The following ANKS1A variants were observed in gnomAD, a reference collection of about 807,000 sequenced individuals.
ANKS1A encodes ankyrin repeat and sterile alpha motif domain containing 1A.
Under a neutral mutation model 120.3 loss-of-function variants are expected in ANKS1A, and 55 were observed. That is an observed-to-expected ratio of 0.46 (90% confidence interval 0.37 to 0.57). The LOEUF (loss-of-function observed/expected upper bound fraction) is 0.57, where lower values mean the gene tolerates loss of function less well. Ranked by LOEUF, ANKS1A falls within the 20% of genes least tolerant of loss-of-function variation. The pLI, the probability that ANKS1A is intolerant of heterozygous loss-of-function variation, is 0.00. For missense variants in ANKS1A, 1,123 were observed against 1,480.3 expected, an observed-to-expected ratio of 0.76 and a Z score of 3.96; for synonymous variants, 590 against 604.7, an observed-to-expected ratio of 0.98 and a Z score of 0.36.
chr6:34,993,378 G>C (rs1244005912), intron 9 of ANKS1A, among the ~76,000 whole-genome samples: 1 of 152,130 alleles, frequency 6.6e-6, no homozygotes, highest in South Asian at 2.1e-4. Context: ...GCCCTCAGCT[G>C]GTCAAAGCCT....
intron 1 of ANKS1A, among the ~76,000 whole-genome samples, chr6:34,919,492 C>T (rs1161941487): frequency 6.6e-6 from 1 of 152,170 alleles, no homozygotes; most frequent in Non-Finnish European, 1.5e-5. Context: ...CTGGGCCCTA[C>T]TCTGTCTTGC....
Position 34,989,254 on chromosome 6 carries a change from C to T in ANKS1A, c.1240C>T (p.Pro414Ser). ...ACGTCCACCACCTCCAGCAAAGCCA[C>T]CGCCCGATGAAGAGGAAGAAGACCA... ...RERPPPPAKPPPDEEEEDHID... is the reference protein window; with the variant it reads ...RERPPPPAKPSPDEEEEDHID... Residue 414 changes from proline (P) to serine (S), a missense_variant, in exon 9 of 24, where the codon CCG becomes TCG. By Grantham distance (74) the Pro-to-Ser change is moderately conservative (BLOSUM62 -1). Transcript: ENST00000360359. 6.2e-7 allele frequency: 1 copy of T among 1,614,054 alleles called. No individual in the cohort carries two copies. The highest frequency in any genetic ancestry group is 8.5e-7 in the Non-Finnish European group (1 of 1,179,952).
chr6:34,926,672 A>C (rs545610669), intron 1 of ANKS1A, among the ~76,000 whole-genome samples: 13 of 152,120 alleles, frequency 8.5e-5, no homozygotes, highest in Non-Finnish European at 4.4e-5. Flanking sequence ...TAAAAGGTGC[A>C]ATGGCTCATT....
At chr6:35,019,848 AGTGG>A in intron 11 of ANKS1A, among the ~76,000 whole-genome samples, 1 of 152,034 alleles carries the variant, frequency 6.6e-6, no homozygotes, top group Non-Finnish European at 1.5e-5. Flanking sequence ...TTAAAAAATC[AGTGG>A]GTGGGGGAGT....
At chr6:34,963,956 A>G (rs1770773925) in intron 1 of ANKS1A, among the ~76,000 whole-genome samples, 1 of 152,106 alleles carries the variant, frequency 6.6e-6, no homozygotes, top group Non-Finnish European at 1.5e-5. Context: ...CAATGTTTCC[A>G]ATCAGGTTAT....
chr6:34,904,896 C>T (rs1053565736), intron 1 of ANKS1A, among the ~76,000 whole-genome samples: 2 of 152,128 alleles, frequency 1.3e-5, no homozygotes, highest in African/African-American at 2.4e-5. Context: ...CTGCAACCTT[C>T]GCTTCTCAGG....
intron 1 of ANKS1A, among the ~76,000 whole-genome samples, chr6:34,928,905 T>C (rs1319892603): frequency 6.6e-6 from 1 of 152,220 alleles, no homozygotes; most frequent in African/African-American, 2.4e-5. Context: ...CAGGTGCTTT[T>C]TTGAGTCCCA....
chr6:34,970,827 C>T (rs560631366), intron 3 of ANKS1A, among the ~76,000 whole-genome samples: 1 of 151,816 alleles, frequency 6.6e-6, no homozygotes, highest in Non-Finnish European at 1.5e-5. Context: ...CCCAACCCCC[C>T]AGGCCCCATC....
rs920343725 is a variant in ANKS1A, at chr6:34,970,987, GAC to G, written c.435+823_435+824del. Among the ~76,000 whole-genome samples, 28 of 152,352 alleles carry G rather than the reference GAC, an allele frequency of 1.8e-4. 1 individual carries two copies. Among genetic ancestry groups the G allele is most frequent in the Admixed American group, 1.4e-3 (21 of 15,308 alleles). On this transcript the variant is annotated intron_variant, in intron 3 of 23. Transcript: ENST00000360359. ...CATGCCACTGCACTGCAGCCTGGGT[GAC>G]AGAGTGAGACCCTGTCTCAAAAGTA...
chr6:34,929,524 G>T (rs944557621), intron 1 of ANKS1A, among the ~76,000 whole-genome samples: 1 of 152,100 alleles, frequency 6.6e-6, no homozygotes, highest in East Asian at 1.9e-4. Flanking sequence ...TATTCTAGTG[G>T]TGCAGTTTTG....
chr6:34,962,890 C>G (rs1292182891), intron 1 of ANKS1A, among the ~76,000 whole-genome samples: 1 of 149,694 alleles, frequency 6.7e-6, no homozygotes, highest in East Asian at 2.0e-4. Context: ...GAGATGGGAT[C>G]TTGCTCTGTC....
intron 1 of ANKS1A, among the ~76,000 whole-genome samples, chr6:34,893,083 G>A (rs1273529984): frequency 6.6e-6 from 1 of 152,122 alleles, no homozygotes; most frequent in East Asian, 1.9e-4. Context: ...CTAGCTGCTT[G>A]ACATTATTCA....
chr6:35,045,222 C>CTCA (rs576266597), intron 11 of ANKS1A, among the ~76,000 whole-genome samples: 1 of 152,296 alleles, frequency 6.6e-6, no homozygotes, highest in South Asian at 2.1e-4. Flanking sequence ...AAATTAACTC[C>CTCA]TCATTAGAGC....
At chr6:35,083,063 C>CAAGTA in intron 18 of ANKS1A, 92 bp from the exon 19 acceptor site, 1 of 1,493,874 alleles carries the variant, frequency 6.7e-7, no homozygotes, top group Non-Finnish European at 9.2e-7. Context: ...AGAGGGGTAA[C>CAAGTA]TACTTGATTG....
At chr6:34,962,573 G>A (rs898912982) in intron 1 of ANKS1A, among the ~76,000 whole-genome samples, 11 of 151,998 alleles carry the variant, frequency 7.2e-5, no homozygotes, top group African/African-American at 2.4e-4. Flanking sequence ...AAATCACCAG[G>A]TCAGGAGATC....
chr6:34,979,738 G>A (rs1771804258), intron 3 of ANKS1A, among the ~76,000 whole-genome samples: 1 of 152,156 alleles, frequency 6.6e-6, no homozygotes, highest in Non-Finnish European at 1.5e-5. Context: ...TTGCTTCAGA[G>A]TAAATAGTTT....
chr6:34,989,976 C>T (rs1286590357), intron 9 of ANKS1A, among the ~76,000 whole-genome samples: 2 of 152,202 alleles, frequency 1.3e-5, no homozygotes, highest in Non-Finnish European at 2.9e-5. Context: ...GCTAACACTT[C>T]CTGCCATTAG....
At chr6:34,984,221 C>T (rs1772065084) in intron 7 of ANKS1A, among the ~76,000 whole-genome samples, 1 of 152,136 alleles carries the variant, frequency 6.6e-6, no homozygotes, top group Non-Finnish European at 1.5e-5. Context: ...TCAGGATCCA[C>T]CTTTTCAGAT....
chr6:35,000,185 C>A (rs368378826), intron 10 of ANKS1A, among the ~76,000 whole-genome samples: 2 of 151,530 alleles, frequency 1.3e-5, no homozygotes, highest in East Asian at 1.9e-4. Context: ...ATCAAAAATC[C>A]TTAACCCAGT....
Sources: allele counts gnomAD v4.1 joint callset (sites outside exome capture counted in the v4.1 genomes callset), GRCh38; gene constraint gnomAD v4.1.1; transcripts MANE v1.5; gene names NCBI Gene and HGNC (gene_info 2026-07-23, HGNC 2026-07-21).